Variants in ALPK3 observed in about 807,000 individuals in gnomAD.
ALPK3 encodes the protein alpha kinase 3.
A neutral mutation model predicts 140.0 loss-of-function variants in ALPK3; 102 were observed. The ratio of observed to expected loss-of-function variants is 0.73; its 90% CI spans 0.62 to 0.86. ALPK3 has a LOEUF of 0.86. Ranked by LOEUF, ALPK3 falls within the 40% of genes least tolerant of loss-of-function variation. The probability of loss-of-function intolerance (pLI) is 0.00; values close to 1 mark genes in which losing one functional copy is unlikely to be tolerated. For missense variants in ALPK3, 2,254 were observed against 2,208.2 expected (o/e 1.02, Z -0.42); for synonymous variants, 938 against 898.5 (o/e 1.04, Z -0.79).
chr15:84,821,094 T>C (rs1476672371), intron 1 of ALPK3, among the ~76,000 whole-genome samples: 1 of 152,210 alleles, frequency 6.6e-6, no homozygotes, highest in Non-Finnish European at 1.5e-5. Flanking sequence ...TTGATGCCTC[T>C]CATTCAGCTC....
At chr15:84,855,056 A>G (rs1390063698) in intron 5 of ALPK3, among the ~76,000 whole-genome samples, 1 of 152,108 alleles carries the variant, frequency 6.6e-6, no homozygotes, top group Non-Finnish European at 1.5e-5. Context: ...TCGGCTTAGC[A>G]ATTTTCCGGA....
chr15:84,839,138 A>G, intron 4 of ALPK3, 41 bp downstream of exon 4: 1 of 1,534,212 alleles, frequency 6.5e-7, no homozygotes, highest in African/African-American at 1.4e-5. Context: ...TGCCCTCCCG[A>G]GGGCCCTCTG....
chr15:84,863,035 G>A, intron 10 of ALPK3, 120 bp downstream of exon 10: 1 of 1,358,424 alleles, frequency 7.4e-7, no homozygotes, highest in Non-Finnish European at 1.0e-6. Context: ...TCAACCTTAT[G>A]AGGCTCCTAG....
chr15:84,865,842 A>G (rs961156580), intron 12 of ALPK3, among the ~76,000 whole-genome samples: 1 of 152,170 alleles, frequency 6.6e-6, no homozygotes, highest in African/African-American at 2.4e-5. Flanking sequence ...TTGGGAGGGC[A>G]GGGCTTGAGA....
intron 3 of ALPK3, among the ~76,000 whole-genome samples, chr15:84,834,173 A>C (rs960793856): frequency 1.3e-5 from 2 of 152,208 alleles, no homozygotes; most frequent in African/African-American, 4.8e-5. Flanking sequence ...CAGAAACCCC[A>C]GTGGAAAGAG....
intron 3 of ALPK3, among the ~76,000 whole-genome samples, chr15:84,830,381 T>C (rs1963533647): frequency 6.6e-6 from 1 of 152,192 alleles, no homozygotes; most frequent in African/African-American, 2.4e-5. Flanking sequence ...GTTTATTTTT[T>C]TGCGTTATTG....
In ALPK3 at chr15:84,872,434, G is replaced by T. The variant is rs747875620; in HGVS notation, c.*3978G>T. On this transcript the variant is annotated 3_prime_UTR_variant, in exon 14 of 14. Coordinates refer to ENST00000258888, the MANE Select transcript of ALPK3 (RefSeq NM_020778.5). ...TGATGGCAGCGTCGGCTGCACAAAAGACTTTCCCAGCTGCAATGCCTTCGC... is the reference window on the plus strand; with the variant it reads ...TGATGGCAGCGTCGGCTGCACAAAATACTTTCCCAGCTGCAATGCCTTCGC... 4 of 152,252 alleles carry T rather than the reference G, an allele frequency of 2.6e-5. No homozygotes were observed. Among genetic ancestry groups the T allele is most frequent in the Non-Finnish European group, 5.9e-5 (4 of 68,066 alleles). 9.4% of individuals were successfully genotyped at this position (152,252 alleles called of 1,614,324 possible). A position where few individuals can be genotyped will look rare whatever the true frequency, so the allele number is the denominator to read the frequency against.
At position 84,822,226 on chromosome 15, in the gene ALPK3, C is replaced by T. The variant is rs139692736; in HGVS notation, c.144-1104C>T. On this transcript the variant is annotated intron_variant, in intron 1 of 13. Coordinates refer to ENST00000258888, the MANE Select transcript of ALPK3 (RefSeq NM_020778.5). ...GGAGAAACAAGGGCCAAGAATTGTGCGGACTGGATTTGGGGTTGGAGAAGA... is the reference window on the plus strand; with the variant it reads ...GGAGAAACAAGGGCCAAGAATTGTGTGGACTGGATTTGGGGTTGGAGAAGA... Among the ~76,000 whole-genome samples, 85 of 152,134 alleles carry T rather than the reference C, an allele frequency of 5.6e-4. No homozygotes were observed. In the East Asian group the frequency reaches 0.013, roughly 24 times the overall value.
chr15:84,817,710 T>C lies in ALPK3; in HGVS notation c.143+115T>C, dbSNP rs1160325446. The C allele has an allele frequency of 5.5e-6, 7 of 1,282,184 alleles. No homozygotes were observed. In the East Asian group the frequency reaches 2.2e-4, roughly 41 times the overall value. The allele number at this position is 1,282,184 out of a possible 1,614,324, so 79.4% of individuals were successfully genotyped here. ...GCTGGGCCTGCGCCCTCGAGCCCTC[T>C]CAGCCCCAAGGCCCAGGGCCTGGGG... On this transcript the variant is annotated intron_variant, in intron 1 of 13. Coordinates refer to ENST00000258888, the MANE Select transcript of ALPK3 (RefSeq NM_020778.5).
intron 3 of ALPK3, among the ~76,000 whole-genome samples, chr15:84,836,087 C>A (rs923399319): frequency 6.6e-6 from 1 of 152,210 alleles, no homozygotes; most frequent in Non-Finnish European, 1.5e-5. Context: ...GACAGCATTG[C>A]TGCTTTACAC....
intron 3 of ALPK3, among the ~76,000 whole-genome samples, chr15:84,838,152 T>C (rs1963616086): frequency 6.6e-6 from 1 of 150,510 alleles, no homozygotes; most frequent in South Asian, 2.1e-4. Flanking sequence ...AGATGGATAA[T>C]AGGTAAATGA....
Position 84,817,424 on chromosome 15 carries a change from C to A in ALPK3, c.-29C>A. ...AGGACAGGCGAGGCAGCGGCGAGTG[C>A]GGGGCCGGCGGTCGGGGAGGGCGGT... On this transcript the variant is annotated 5_prime_UTR_variant, in exon 1 of 14. Transcript: ENST00000258888. 8.0e-7 allele frequency: 1 copy of A among 1,248,636 alleles called. No individual in the cohort carries two copies. Among genetic ancestry groups the A allele is most frequent in the Non-Finnish European group, 1.0e-6 (1 of 1,001,848 alleles). 77.3% of individuals were successfully genotyped at this position (1,248,636 alleles called of 1,614,324 possible). A position where few individuals can be genotyped will look rare whatever the true frequency, so the allele number is the denominator to read the frequency against.
intron 13 of ALPK3, 62 bp from the exon 14 acceptor site, chr15:84,868,049 G>T (rs188294681): frequency 1.3e-6 from 2 of 1,512,254 alleles, no homozygotes; most frequent in African/African-American, 2.8e-5. Flanking sequence ...CCCAGAGTCC[G>T]CCCCCCAAGG....
rs527674206 is a variant in ALPK3, at chr15:84,840,887, G to A, written c.1608G>A (p.Arg536=). The change falls in exon 5 of 14, where the codon CGG becomes CGA. Residue 536 remains arginine (R), a synonymous_variant. Coordinates refer to ENST00000258888, the MANE Select transcript of ALPK3 (RefSeq NM_020778.5). The stretch of plus-strand genomic sequence containing the variant: ...CTGCCCGGCGGAGACATGGCACCCG[G>A]GACAGCACGTTGCAGGGGCAAGCAG... ...TPPARRRHGT[R]DSTLQGQAGH... is the part of the protein sequence containing the mutation. The A allele has an allele frequency of 4.3e-6, 7 of 1,612,478 alleles. No homozygotes were observed. In the African/African-American group the frequency reaches 6.7e-5, roughly 15 times the overall value.
intron 5 of ALPK3, among the ~76,000 whole-genome samples, chr15:84,850,839 A>G (rs527810688): frequency 1.3e-5 from 2 of 151,720 alleles, no homozygotes; most frequent in South Asian, 4.2e-4. Flanking sequence ...TTTAAGAAAC[A>G]TATGACATTC....
chr15:84,841,927 TG>T (rs1436801867), intron 5 of ALPK3, among the ~76,000 whole-genome samples: 1 of 152,218 alleles, frequency 6.6e-6, no homozygotes, highest in Admixed American at 6.5e-5. Flanking sequence ...AGAGTGGGGC[TG>T]GGGTGGATAA....
In ALPK3 at chr15:84,856,975, G is replaced by C; in HGVS notation, c.2237G>C (p.Gly746Ala). 1 of 1,614,118 alleles carries C rather than the reference G, an allele frequency of 6.2e-7. No homozygotes were observed. Among genetic ancestry groups the C allele is most frequent in the Non-Finnish European group, 8.5e-7 (1 of 1,180,028 alleles). ...SRTPKLPPTA[G>A]PRAPLNIECF... Reference sequence around the variant, plus strand: ...ACCCCCAAACTCCCACCTACAGCGGGTCCTAGAGCTCCTCTGAATATTGAA... The same window carrying C: ...ACCCCCAAACTCCCACCTACAGCGGCTCCTAGAGCTCCTCTGAATATTGAA... The change falls in exon 6 of 14, where the codon GGT becomes GCT. Residue 746 changes from glycine (G) to alanine (A), a missense_variant. This residue lies in a region of ALPK3 where 2,088 missense variants were observed against 2,022.9 expected (regional missense o/e 1.03). Transcript: ENST00000258888.
intron 12 of ALPK3, among the ~76,000 whole-genome samples, chr15:84,865,599 G>A (rs922068361): frequency 2.0e-5 from 3 of 152,230 alleles, no homozygotes; most frequent in East Asian, 1.9e-4. Flanking sequence ...GAATGTCATC[G>A]TCCTCAAGAA....
At chr15:84,823,869 C>A (rs1420585919) in intron 2 of ALPK3, among the ~76,000 whole-genome samples, 1 of 152,128 alleles carries the variant, frequency 6.6e-6, no homozygotes, top group African/African-American at 2.4e-5. Context: ...CACCATGATG[C>A]CTGGCTAATT....
Sources: gnomAD v4.1 joint callset for allele counts (sites outside exome capture counted in the v4.1 genomes callset) on GRCh38, gnomAD v4.1.1 for gene constraint, gnomAD v4.1.1 regional missense constraint, MANE v1.5 for transcripts, NCBI Gene and HGNC (gene_info 2026-07-23, HGNC 2026-07-21) for gene names.